Variants in VWA2 observed in about 807,000 individuals in gnomAD.
The protein encoded by VWA2 is von Willebrand factor A domain-containing protein 2.
Under a neutral mutation model 70.4 loss-of-function variants are expected in VWA2, and 73 were observed. The observed-to-expected ratio is 1.04, with a 90% CI of 0.86 to 1.26. VWA2 has a LOEUF of 1.26. Ranked by LOEUF, VWA2 falls within the 50% of genes most tolerant of loss-of-function variation. The pLI, the probability that VWA2 is intolerant of heterozygous loss-of-function variation, is 0.00. For missense variants in VWA2, 1,011 were observed against 998.5 expected, an observed-to-expected ratio of 1.01 and a Z score of -0.17; for synonymous variants, 407 against 423.3, an observed-to-expected ratio of 0.96 and a Z score of 0.47.
Position 114,271,788 on chromosome 10 carries a change from G to T in VWA2, c.372-952G>T, listed in dbSNP as rs76781023. Reference sequence around the variant, plus strand: ...AATGTGTCCCCCATCTAGAATCTGTGGTTAGTCACTATTTCAGAATAATGC... The same window carrying T: ...AATGTGTCCCCCATCTAGAATCTGTTGTTAGTCACTATTTCAGAATAATGC... On this transcript the variant is annotated intron_variant, in intron 5 of 13. Coordinates refer to ENST00000392982, the MANE Select transcript of VWA2 (RefSeq NM_001272046.2). Among the ~76,000 whole-genome samples the T allele has an allele frequency of 4.8e-3, 727 of 152,224 alleles. 4 individuals are homozygous for T. Among genetic ancestry groups the T allele is most frequent in the African/African-American group, 0.017 (699 of 41,526 alleles).
At position 114,261,198 on chromosome 10, in the gene VWA2, G is replaced by A. The variant is rs151109686; in HGVS notation, c.274G>A (p.Ala92Thr). 139 of 1,613,500 alleles carry A rather than the reference G, an allele frequency of 8.6e-5. No individual in the cohort carries two copies. In the African/African-American group the frequency reaches 1.5e-3, roughly 18 times the overall value. The change falls in exon 5 of 14, where the codon GCA becomes ACA. Residue 92 changes from alanine to threonine, a missense_variant. Ala to Thr is a moderately conservative substitution (Grantham distance 58). Coordinates refer to ENST00000392982, the MANE Select transcript of VWA2 (RefSeq NM_001272046.2). The stretch of plus-strand genomic sequence containing the variant: ...TCTCCTACTGCAGGTCAGAGTGGGA[G>A]CATTCCAGTTCAGTTCCACTCCTCA... ...DISPERVRVG[A>T]FQFSSTPHLE... is the part of the protein sequence containing the mutation.
At chr10:114,276,673 ATTTTTTTT>A (rs34808735) in intron 6 of VWA2, among the ~76,000 whole-genome samples, 4 of 113,696 alleles carry the variant, frequency 3.5e-5, no homozygotes, top group South Asian at 2.7e-4. Flanking sequence ...ACACCCAGCA[ATTTTTTTT>A]TTTTTTTTTT....
At chr10:114,252,804 G>A (rs536622686) in intron 2 of VWA2, among the ~76,000 whole-genome samples, 4 of 152,078 alleles carry the variant, frequency 2.6e-5, no homozygotes, top group Non-Finnish European at 5.9e-5. Context: ...TCACCATGTT[G>A]GCCAGGCTGG....
At chr10:114,248,862 TG>T in intron 2 of VWA2, 97 bp downstream of exon 2, 1 of 1,148,716 alleles carries the variant, frequency 8.7e-7, no homozygotes, top group Non-Finnish European at 1.3e-6. Context: ...AAAGGTCTCT[TG>T]AATCCACCTG....
intron 10 of VWA2, 54 bp from the exon 11 acceptor site, chr10:114,285,885 C>T: frequency 2.0e-6 from 3 of 1,507,084 alleles, no homozygotes; most frequent in Non-Finnish European, 2.7e-6. Context: ...GGTGGGACAG[C>T]TCGCATGCCG....
intron 11 of VWA2, 57 bp from the exon 12 acceptor site, chr10:114,288,881 G>T: frequency 1.3e-6 from 2 of 1,548,210 alleles, no homozygotes; most frequent in South Asian, 2.5e-5. Context: ...CCTGGGTCCC[G>T]TCGAGGGGCT....
At chr10:114,271,514 G>C (rs374810410) in intron 5 of VWA2, among the ~76,000 whole-genome samples, 1 of 152,030 alleles carries the variant, frequency 6.6e-6, no homozygotes, top group South Asian at 2.1e-4. Context: ...TAACATGAAA[G>C]GAGCCTGGAT....
intron 2 of VWA2, among the ~76,000 whole-genome samples, chr10:114,249,985 T>A (rs1367745816): frequency 6.6e-6 from 1 of 152,066 alleles, no homozygotes; most frequent in African/African-American, 2.4e-5. Flanking sequence ...CATTCTGAAT[T>A]ATGTTGCCCC....
intron 2 of VWA2, among the ~76,000 whole-genome samples, chr10:114,250,060 C>G (rs965988844): frequency 6.6e-6 from 1 of 152,166 alleles, no homozygotes; most frequent in African/African-American, 2.4e-5. Context: ...ATCCTTAGGC[C>G]CCAGCACAAT....
chr10:114,263,328 ATTTTTTTTTTT>A (rs35723083), intron 5 of VWA2, among the ~76,000 whole-genome samples: 1 of 76,144 alleles, frequency 1.3e-5, no homozygotes, highest in Non-Finnish European at 2.4e-5. Context: ...AATCTCCCCC[ATTTTTTTTTTT>A]TTTTTTTTTT....
rs1033751633 is a variant in VWA2 at position 114,291,348 on chromosome 10, C to T, written c.*111C>T. 14 of 1,301,974 alleles carry T rather than the reference C, an allele frequency of 1.1e-5. No individual in the cohort carries two copies. The highest frequency in any genetic ancestry group is 1.3e-5 in the Non-Finnish European group (13 of 969,626). 80.7% of individuals were successfully genotyped at this position (1,301,974 alleles called of 1,614,324 possible). On this transcript the variant is annotated 3_prime_UTR_variant, in exon 14 of 14. Transcript: ENST00000392982. Reference sequence around the variant, plus strand: ...CTTCTGGAATGTCTGTGCCCCAGGTCCTTAGAATGTCTGCTTCCCGCCGTG... The same window carrying T: ...CTTCTGGAATGTCTGTGCCCCAGGTTCTTAGAATGTCTGCTTCCCGCCGTG...
rs1363834324 is a variant in VWA2, at chr10:114,291,785, T to G, written c.*548T>G. ...TTTGCATTGAGTCTGAAAGGGGGCT[T>G]GAGGGACGTTTGTGACTTCTGGCGA... On this transcript the variant is annotated 3_prime_UTR_variant, in exon 14 of 14. Coordinates refer to ENST00000392982, the MANE Select transcript of VWA2 (RefSeq NM_001272046.2). 6.6e-6 allele frequency among the ~76,000 whole-genome samples: 1 copy of G among 152,190 alleles called. No homozygotes were observed. Among genetic ancestry groups the G allele is most frequent in the African/African-American group, 2.4e-5 (1 of 41,440 alleles).
intron 1 of VWA2, among the ~76,000 whole-genome samples, chr10:114,240,713 T>A (rs2036960330): frequency 6.6e-6 from 1 of 152,182 alleles, no homozygotes; most frequent in Non-Finnish European, 1.5e-5. Context: ...CAGGCATGAA[T>A]TTGTAAATGC....
At chr10:114,287,918 C>T (rs2039108385) in intron 11 of VWA2, among the ~76,000 whole-genome samples, 1 of 152,126 alleles carries the variant, frequency 6.6e-6, no homozygotes, top group African/African-American at 2.4e-5. Context: ...GAATCCCATC[C>T]AGGACCCCAC....
At chr10:114,283,713 G>A (rs569127185) in intron 9 of VWA2, among the ~76,000 whole-genome samples, 11 of 152,316 alleles carry the variant, frequency 7.2e-5, no homozygotes, top group East Asian at 3.9e-4. Context: ...GGGACCATGC[G>A]TGTATTGTGC....
At chr10:114,278,163 C>G in intron 7 of VWA2, 116 bp downstream of exon 7, 3 of 1,388,542 alleles carry the variant, frequency 2.2e-6, no homozygotes, top group Non-Finnish European at 9.6e-7. Context: ...GCAAGAGAAA[C>G]AGAGACCGGC....
intron 4 of VWA2, among the ~76,000 whole-genome samples, chr10:114,258,265 C>G (rs2037372427): frequency 1.3e-5 from 2 of 152,108 alleles, no homozygotes; most frequent in Non-Finnish European, 2.9e-5. Flanking sequence ...CCATGTTTTA[C>G]TTTTTTTAAC....
chr10:114,280,475 G>A (rs1463115668), intron 8 of VWA2, among the ~76,000 whole-genome samples: 2 of 152,206 alleles, frequency 1.3e-5, no homozygotes, highest in African/African-American at 2.4e-5. Flanking sequence ...TTGAAATGGA[G>A]TGGCCAGGGA....
In VWA2 at chr10:114,259,996, C is replaced by G. The variant is rs7902414; in HGVS notation, c.262-1190C>G. Among the ~76,000 whole-genome samples, 1,040 of 152,306 alleles carry G rather than the reference C, an allele frequency of 6.8e-3. 10 individuals carry two copies. Among genetic ancestry groups the G allele is most frequent in the African/African-American group, 0.024 (991 of 41,570 alleles). ...CGTTTCCATCATCTCCCACGTCCCA[C>G]GCCTGTCGAGGGAACGGCAGCGAGG... On this transcript the variant is annotated intron_variant, in intron 4 of 13. Transcript: ENST00000392982.
Sources: gnomAD v4.1 joint callset for allele counts (sites outside exome capture counted in the v4.1 genomes callset) on GRCh38, gnomAD v4.1.1 for gene constraint, MANE v1.5 for transcripts, NCBI Gene and HGNC (gene_info 2026-07-23, HGNC 2026-07-21) for gene names.